The following MAPK6 variants were observed in gnomAD, a reference collection of about 807,000 sequenced individuals.
MAPK6 encodes the protein mitogen-activated protein kinase 6.
A neutral mutation model predicts 59.3 loss-of-function variants in MAPK6; 19 were observed. The ratio of observed to expected loss-of-function variants is 0.32; its 90% CI spans 0.22 to 0.47. The LOEUF is 0.47. Ranked by LOEUF, MAPK6 falls within the 20% of genes least tolerant of loss-of-function variation. The pLI is 1.00. For synonymous variants in MAPK6, 316 were observed against 290.3 expected, an observed-to-expected ratio of 1.09 and a Z score of -0.90; for missense variants, 724 against 847.9, an observed-to-expected ratio of 0.85 and a Z score of 1.81.
chr15:52,040,522 A>C (rs1042014697), intron 1 of MAPK6, among the ~76,000 whole-genome samples: 9 of 152,052 alleles, frequency 5.9e-5, no homozygotes, highest in Non-Finnish European at 8.8e-5. Context: ...CCTTACTTCA[A>C]ACTTTCTTTG....
At chr15:52,013,020 AATATATATATATATATATATAT>A (rs71130116) in intron 3 of MAPK6, among the ~76,000 whole-genome samples, 3 of 19,124 alleles carry the variant, frequency 1.6e-4, no homozygotes, top group African/African-American at 5.7e-4. Context: ...AAAAAAAAAA[AATATATATATATATATATATAT>A]ATATATATAT....
At chr15:52,037,815 C>T (rs1027879625) in intron 1 of MAPK6, among the ~76,000 whole-genome samples, 2 of 152,142 alleles carry the variant, frequency 1.3e-5, no homozygotes, top group Non-Finnish European at 2.9e-5. Context: ...TTTCTACTCA[C>T]GTAGAATATG....
chr15:52,046,373 T>C lies in MAPK6; in HGVS notation c.-88T>C. The C allele has an allele frequency of 1.0e-6, 1 of 995,434 alleles. No homozygotes were observed. The highest frequency in any genetic ancestry group is 1.6e-5 in the South Asian group (1 of 61,850). The allele number at this position is 995,434 out of a possible 1,614,324, so 61.7% of individuals were successfully genotyped here. On this transcript the variant is annotated 5_prime_UTR_variant, in exon 2 of 6. Transcript: ENST00000261845. ...GCATAATTATTTTTCTTCTCCCTTT[T>C]TGAAAGATCTTTCCTTTTGATGCCA...
chr15:51,971,878 G>C, exon 1 of MAPK6: 1 of 941,670 alleles, frequency 1.1e-6, no homozygotes, highest in Non-Finnish European at 1.7e-6. Flanking sequence ...CCTAGTTTTC[G>C]CTCGCCCAGT....
intron 1 of MAPK6, chr15:52,027,597 T>C (rs991485348): frequency 6.8e-6 from 1 of 146,820 alleles, no homozygotes; most frequent in Non-Finnish European, 1.5e-5. Context: ...TGTCTTCTCT[T>C]GACTTTTTTT....
At chr15:51,992,942 C>T (rs144816650) in intron 2 of MAPK6, among the ~76,000 whole-genome samples, 1,974 of 152,124 alleles carry the variant, frequency 0.013, 34 homozygotes, top group Middle Eastern at 0.034. Context: ...AAATCCTGTC[C>T]CTTTGGGTTT....
At chr15:52,047,621 C>G (rs146892288) in intron 2 of MAPK6, among the ~76,000 whole-genome samples, 2,060 of 151,114 alleles carry the variant, frequency 0.014, 59 homozygotes, top group African/African-American at 0.048. Flanking sequence ...GCTAGGATTA[C>G]AGGTGTGAGC....
chr15:51,982,640 A>G (rs867079697), intron 1 of MAPK6, among the ~76,000 whole-genome samples: 1 of 152,222 alleles, frequency 6.6e-6, no homozygotes, highest in South Asian at 2.1e-4. Flanking sequence ...AACACTTCTT[A>G]TGATAAAATG....
At chr15:52,039,163 C>T (rs1000514815) in intron 1 of MAPK6, among the ~76,000 whole-genome samples, 1 of 152,170 alleles carries the variant, frequency 6.6e-6, no homozygotes, top group Non-Finnish European at 1.5e-5. Flanking sequence ...CAGTGCACCA[C>T]CATGCCAAGC....
intron 1 of MAPK6, among the ~76,000 whole-genome samples, chr15:51,979,219 AAAAG>A (rs1222791327): frequency 1.8e-5 from 2 of 114,130 alleles, no homozygotes; most frequent in South Asian, 2.6e-4. Flanking sequence ...AAGAAAGAAA[AAAAG>A]AGAAAGAAAA....
chr15:52,056,269 T>G (rs2141112512), intron 3 of MAPK6, among the ~76,000 whole-genome samples: 1 of 152,362 alleles, frequency 6.6e-6, no homozygotes, highest in African/African-American at 2.4e-5. Flanking sequence ...GCTGTAGCAC[T>G]TCTATCTCTT....
intron 1 of MAPK6, among the ~76,000 whole-genome samples, chr15:52,025,574 G>A (rs2030738846): frequency 6.6e-6 from 1 of 152,136 alleles, no homozygotes; most frequent in South Asian, 2.1e-4. Flanking sequence ...AGGCTGAGGC[G>A]GGCGGATCAC....
At position 52,030,673 on chromosome 15, in the gene MAPK6, A is replaced by C. The variant is rs184763502; in HGVS notation, c.-632+11297A>C. Among the ~76,000 whole-genome samples the C allele has an allele frequency of 9.8e-5, 13 of 132,944 alleles. No homozygotes were observed. The East Asian group carries it at 2.4e-3, about 25-fold the overall frequency. The allele number at this position is 132,944 out of a possible 152,430, so 87.2% of individuals were successfully genotyped here. On this transcript the variant is annotated intron_variant, in intron 1 of 5. Transcript: ENST00000261845. ...GAGTCTCACTCTGTTGCCCAGGATG[A>C]AGGAGTACAGCGGTGCAATCTTGGC...
rs1223537318 is a variant in MAPK6 at position 52,046,473 on chromosome 15, T to A, written c.13T>A (p.Phe5Ile). 2 of 1,597,220 alleles carry A rather than the reference T, an allele frequency of 1.3e-6. No individual in the cohort carries two copies. The highest frequency in any genetic ancestry group is 1.1e-5 in the South Asian group (1 of 88,362). The change falls in exon 2 of 6, where the codon TTT (phenylalanine) becomes ATT (isoleucine). Residue 5 changes from phenylalanine to isoleucine, a missense_variant. By Grantham distance (21) the Phe-to-Ile change is conservative. This residue lies in a region of MAPK6 where 30 missense variants were observed against 55.3 expected (regional missense o/e 0.54). Transcript: ENST00000261845. The stretch of plus-strand genomic sequence containing the variant: ...TAAGGGTTTCAAAATGGCAGAGAAA[T>A]TTGAAAGTCTCATGAACATTCATGG... Reference protein sequence around the residue: MAEKFESLMNIHGFD... With the variant: MAEKIESLMNIHGFD...
chr15:52,058,829 A>G (rs2032087404), intron 4 of MAPK6, 32 bp downstream of exon 4: 1 of 1,568,582 alleles, frequency 6.4e-7, no homozygotes, highest in Non-Finnish European at 8.7e-7. Flanking sequence ...CCTCACGTTA[A>G]TGCCTGTGTG....
intron 2 of MAPK6, among the ~76,000 whole-genome samples, chr15:51,992,295 A>C (rs28409210): frequency 0.41 from 33,934 of 83,268 alleles, 5,644 homozygotes; most frequent in Non-Finnish European, 0.49. Flanking sequence ...ATCTATCTAT[A>C]TATATATATA....
intron 3 of MAPK6, among the ~76,000 whole-genome samples, chr15:52,010,211 G>A (rs1440825173): frequency 6.6e-6 from 1 of 151,998 alleles, no homozygotes; most frequent in Non-Finnish European, 1.5e-5. Context: ...TTCTCCTGAA[G>A]GATAAGTTGT....
intron 1 of MAPK6, among the ~76,000 whole-genome samples, chr15:52,022,420 C>A (rs1365089700): frequency 2.0e-5 from 3 of 152,084 alleles, no homozygotes; most frequent in East Asian, 3.9e-4. Flanking sequence ...GCGACCATGC[C>A]TGGCTAGTTT....
Position 52,065,818 on chromosome 15 carries a change from C to T in MAPK6, c.*818C>T, listed in dbSNP as rs1016380340. On this transcript the variant is annotated 3_prime_UTR_variant, in exon 6 of 6. Transcript: ENST00000261845. Reference sequence around the variant, plus strand: ...TCTATAATGTCAGCTTATCCTAAGGCTGTCCACGTACTTAATTTACTTAAG... The same window carrying T: ...TCTATAATGTCAGCTTATCCTAAGGTTGTCCACGTACTTAATTTACTTAAG... 1.3e-5 allele frequency: 2 copies of T among 152,606 alleles called. No homozygotes were observed. The highest frequency in any genetic ancestry group is 2.9e-5 in the Non-Finnish European group (2 of 68,040). 9.5% of individuals were successfully genotyped at this position (152,606 alleles called of 1,614,324 possible). A position where few individuals can be genotyped will look rare whatever the true frequency, so the allele number is the denominator to read the frequency against.
Sources: allele counts gnomAD v4.1 joint callset (sites outside exome capture counted in the v4.1 genomes callset), GRCh38; gene constraint gnomAD v4.1.1; regional missense constraint gnomAD v4.1.1; transcripts MANE v1.5; gene names NCBI Gene and HGNC (gene_info 2026-07-23, HGNC 2026-07-21).